The following CTBP1 variants were observed in gnomAD, a reference collection of about 807,000 sequenced individuals.
CTBP1 encodes C-terminal binding protein 1.
CTBP1 carries 11 observed loss-of-function variants against 42.1 expected under a neutral mutation model. The ratio of observed to expected loss-of-function variants is 0.26; its 90% CI spans 0.16 to 0.43. The LOEUF is 0.43. CTBP1 is among the 20% of genes least tolerant of loss of function. CTBP1 has a pLI of 1.00. For missense variants in CTBP1, 399 were observed against 624.3 expected (o/e 0.64, Z 3.85); for synonymous variants, 324 against 277.1 (o/e 1.17, Z -1.68).
At chr4:1,230,834 C>G (rs1359255557) in intron 3 of CTBP1, among the ~76,000 whole-genome samples, 1 of 152,264 alleles carries the variant, frequency 6.6e-6, no homozygotes, top group African/African-American at 2.4e-5. Flanking sequence ...TCTATCTCAT[C>G]TAGGTAAGCT....
Position 1,233,482 on chromosome 4 carries a change from G to A in CTBP1, c.162+4701C>T, listed in dbSNP as rs1440994539. Reference sequence around the variant, plus strand: ...TGTGCCCTCCCGGAGCCGCCCTGCCGCTCCAGGCCCCGCAGCCCACACCGG... The same window carrying A: ...TGTGCCCTCCCGGAGCCGCCCTGCCACTCCAGGCCCCGCAGCCCACACCGG... On this transcript the variant is annotated intron_variant, in intron 3 of 9. Coordinates refer to ENST00000382952, the MANE Select transcript of CTBP1 (RefSeq NM_001012614.2). This position sits in a 1 kb window ranked among gnomAD's most constrained non-coding sequence, Gnocchi z 4.6. Among the ~76,000 whole-genome samples the A allele has an allele frequency of 6.6e-6, 1 of 152,170 alleles. No individual in the cohort carries two copies. The highest frequency in any genetic ancestry group is 1.9e-4 in the East Asian group (1 of 5,188).
chr4:1,232,418 T>C (rs1454072059), intron 3 of CTBP1, among the ~76,000 whole-genome samples: 1 of 152,184 alleles, frequency 6.6e-6, no homozygotes. Context: ...GTCAAGAGGT[T>C]CTCCTGCCTC....
intron 3 of CTBP1, chr4:1,236,903 G>A: frequency 1.5e-6 from 1 of 665,524 alleles, no homozygotes; most frequent in Non-Finnish European, 2.7e-6. Flanking sequence ...TCCTGATGGG[G>A]CTCAGGGCAA....
At chr4:1,212,580 C>G in intron 9 of CTBP1, 157 bp from the exon 10 acceptor site, 1 of 703,956 alleles carries the variant, frequency 1.4e-6, no homozygotes, top group Non-Finnish European at 2.2e-6. Flanking sequence ...CTGCCTATGG[C>G]AGCTACTTCT....
At position 1,213,508 on chromosome 4, in the gene CTBP1, C is replaced by A; in HGVS notation, c.958G>T (p.Ala320Ser). Reference sequence around the variant, plus strand: ...ATGGCTCTGCGGATCTCCCGTGCCGCCTCCTCTCGCATCTCGATGGATGCC... The same window carrying A: ...ATGGCTCTGCGGATCTCCCGTGCCGACTCCTCTCGCATCTCGATGGATGCC... ...EQASIEMREEAAREIRRAITG... is the reference protein window; with the variant it reads ...EQASIEMREESAREIRRAITG... The change falls in exon 8 of 10, where the codon GCG (alanine) becomes TCG (serine). Residue 320 changes from alanine (A) to serine (S), a missense_variant. Ala to Ser is a moderately conservative substitution (Grantham distance 99, BLOSUM62 1). Coordinates refer to ENST00000382952, the MANE Select transcript of CTBP1 (RefSeq NM_001012614.2). 1 of 1,612,694 alleles carries A rather than the reference C, an allele frequency of 6.2e-7. No individual in the cohort carries two copies.
intron 5 of CTBP1, among the ~76,000 whole-genome samples, chr4:1,224,323 TGTCCATGTGTGATGTCTGTGTGGG>T (rs1730083379): frequency 6.6e-6 from 1 of 151,878 alleles, no homozygotes; most frequent in Admixed American, 6.6e-5. Context: ...TGTGCTGCGA[TGTCCATGTGTGATGTCTGTGTGGG>T]GTCCACGTGT....
In CTBP1 at chr4:1,225,235, C is replaced by T. The variant is rs1730200928; in HGVS notation, c.514+125G>A. 2.6e-6 allele frequency: 3 copies of T among 1,172,596 alleles called. No homozygotes were observed. In the African/African-American group the frequency reaches 4.6e-5, roughly 18 times the overall value. 72.6% of individuals were successfully genotyped at this position (1,172,596 alleles called of 1,614,324 possible). A position where few individuals can be genotyped will look rare whatever the true frequency, so the allele number is the denominator to read the frequency against. ...GGTGCCTGTGCGCACTCAGTCCTGT[C>T]CTGGGTTGGGACCGACACCTGCAGC... On this transcript the variant is annotated intron_variant, in intron 5 of 9. Transcript: ENST00000382952.
At chr4:1,213,980 T>G in intron 7 of CTBP1, 1 of 398,516 alleles carries the variant, frequency 2.5e-6, no homozygotes, top group Non-Finnish European at 4.5e-6. Context: ...AACCCAGGGC[T>G]GCCTGGGGTC....
rs1420093160 is a variant in CTBP1, at chr4:1,232,688, A to G, written c.163-4345T>C. On this transcript the variant is annotated intron_variant, in intron 3 of 9. Coordinates refer to ENST00000382952, the MANE Select transcript of CTBP1 (RefSeq NM_001012614.2). ...TGTAGTATCACATTTTCCACAGAAA[A>G]CATTGTATGTTCTGTATTGTCATAA... Among the ~76,000 whole-genome samples the G allele has an allele frequency of 6.6e-5, 10 of 152,202 alleles. No individual in the cohort carries two copies. In the East Asian group the frequency reaches 1.9e-3, roughly 29 times the overall value.
intron 5 of CTBP1, chr4:1,217,768 G>C (rs1278572920): frequency 6.6e-6 from 1 of 152,272 alleles, no homozygotes; most frequent in Admixed American, 6.5e-5. Context: ...TGCAGGTGAA[G>C]AGACAGGAGG....
At chr4:1,216,547 C>G (rs1251420652) in intron 5 of CTBP1, 2 of 442,642 alleles carry the variant, frequency 4.5e-6, no homozygotes. Context: ...GGTCTCCACC[C>G]ACCCAACACA....
At chr4:1,218,947 ATGAAC>A (rs1377517267) in intron 5 of CTBP1, among the ~76,000 whole-genome samples, 2 of 152,254 alleles carry the variant, frequency 1.3e-5, no homozygotes, top group South Asian at 2.1e-4. Context: ...CTAAAAATAA[ATGAAC>A]TGAACACTCA....
At chr4:1,215,661 A>C in intron 6 of CTBP1, 1 of 379,370 alleles carries the variant, frequency 2.6e-6, no homozygotes, top group South Asian at 2.8e-5. Context: ...GGCAGCACGG[A>C]AGTCACAAGG....
intron 1 of CTBP1, chr4:1,244,356 G>GGGC (rs1732502454): frequency 3.1e-6 from 3 of 961,010 alleles, no homozygotes; most frequent in Non-Finnish European, 3.7e-6. Flanking sequence ...CTGGGCACTG[G>GGGC]GGGGGGGGTG....
intron 1 of CTBP1, chr4:1,244,703 C>A (rs960197188): frequency 4.1e-6 from 4 of 985,182 alleles, no homozygotes; most frequent in Non-Finnish European, 4.8e-6. Context: ...GGCCCTCACC[C>A]TGCCCTGTCC....
intron 3 of CTBP1, among the ~76,000 whole-genome samples, chr4:1,234,057 A>G (rs975310515): frequency 3.3e-5 from 5 of 152,150 alleles, no homozygotes; most frequent in African/African-American, 1.2e-4. Context: ...GACGGCAGGG[A>G]GAGGCCCTGC....
At chr4:1,231,482 A>G (rs1730961623) in intron 3 of CTBP1, among the ~76,000 whole-genome samples, 1 of 152,116 alleles carries the variant, frequency 6.6e-6, no homozygotes, top group Admixed American at 6.5e-5. Context: ...CTGGGTGCCC[A>G]GGAAGCTCGG....
At position 1,214,333 on chromosome 4, in the gene CTBP1, G is replaced by T; in HGVS notation, c.860+10C>A. On this transcript the variant is annotated intron_variant, in intron 7 of 9. Transcript: ENST00000382952. ...GAAGAGCAGGGGGGCGGCACTGGCC[G>T]TGGGGGCACCTGAAGGGTTCCGACT... 1 of 1,543,664 alleles carries T rather than the reference G, an allele frequency of 6.5e-7. No individual in the cohort carries two copies. The highest frequency in any genetic ancestry group is 8.7e-7 in the Non-Finnish European group (1 of 1,153,000).
intron 5 of CTBP1, among the ~76,000 whole-genome samples, chr4:1,219,556 C>T (rs1331280770): frequency 1.3e-5 from 2 of 152,194 alleles, no homozygotes; most frequent in Non-Finnish European, 2.9e-5. Context: ...GTAACACCCA[C>T]ACTCACTGCT....
Sources: allele counts gnomAD v4.1 joint callset (sites outside exome capture counted in the v4.1 genomes callset), GRCh38; gene constraint gnomAD v4.1.1; non-coding constraint Gnocchi (gnomAD v3.1); transcripts MANE v1.5; gene names NCBI Gene and HGNC (gene_info 2026-07-23, HGNC 2026-07-21).